The following MYO9A variants were observed in gnomAD, a reference collection of about 807,000 sequenced individuals.
MYO9A encodes myosin IXA, also known as unconventional myosin-IXa.
MYO9A carries 103 observed loss-of-function variants against 293.3 expected under a neutral mutation model. That is an observed-to-expected ratio of 0.35 (90% CI 0.30 to 0.41). The LOEUF (loss-of-function observed/expected upper bound fraction) is 0.41. Among genes scored for constraint, MYO9A ranks in the 10% least tolerant of loss-of-function variants. The pLI is 1.00. For synonymous variants in MYO9A, 1,001 were observed against 1,035.7 expected (o/e 0.97, Z 0.64); for missense variants, 2,685 against 3,033.0 (o/e 0.89, Z 2.69).
chr15:71,883,315 CA>C (rs1469465096), intron 28 of MYO9A, among the ~76,000 whole-genome samples: 2 of 152,264 alleles, frequency 1.3e-5, no homozygotes, highest in African/African-American at 2.4e-5. Context: ...ATAATGGCTA[CA>C]TTTTTTTAGT....
At chr15:72,078,844 A>G (rs2079450433) in intron 1 of MYO9A, among the ~76,000 whole-genome samples, 1 of 152,222 alleles carries the variant, frequency 6.6e-6, no homozygotes, top group African/African-American at 2.4e-5. Flanking sequence ...GAGGAATCTT[A>G]AATATACATT....
At chr15:71,937,714 A>G (rs2058676550) in intron 16 of MYO9A, among the ~76,000 whole-genome samples, 1 of 152,128 alleles carries the variant, frequency 6.6e-6, no homozygotes, top group Non-Finnish European at 1.5e-5. Context: ...TGGAAAGTAC[A>G]AAGAAAGAAG....
intron 32 of MYO9A, among the ~76,000 whole-genome samples, chr15:71,873,489 C>T (rs1567218056): frequency 6.6e-6 from 1 of 151,554 alleles, no homozygotes; most frequent in African/African-American, 2.4e-5. Flanking sequence ...TTTCCTTTAA[C>T]GTTTTTAAGG....
intron 18 of MYO9A, among the ~76,000 whole-genome samples, chr15:71,917,190 C>T (rs1427486499): frequency 6.6e-6 from 1 of 152,196 alleles, no homozygotes; most frequent in Non-Finnish European, 1.5e-5. Context: ...TCCTGACTCA[C>T]AGAGACAACA....
chr15:72,097,814 G>A (rs2080113582), intron 1 of MYO9A, among the ~76,000 whole-genome samples: 1 of 152,152 alleles, frequency 6.6e-6, no homozygotes, highest in Admixed American at 6.5e-5. Context: ...GGAGGCTGAG[G>A]CAGGAGAATC....
chr15:71,831,676 A>G (rs916451460), intron 39 of MYO9A, among the ~76,000 whole-genome samples: 8 of 152,360 alleles, frequency 5.3e-5, no homozygotes, highest in African/African-American at 1.9e-4. Context: ...AAAAAATGAA[A>G]ACATTCTTGG....
chr15:71,854,598 A>G (rs750269212), intron 34 of MYO9A, 29 bp from the exon 35 acceptor site: 1 of 1,498,036 alleles, frequency 6.7e-7, no homozygotes, highest in East Asian at 2.4e-5. Context: ...TTAGTTTCCA[A>G]ATGCATTCAA....
intron 12 of MYO9A, among the ~76,000 whole-genome samples, chr15:71,975,284 G>A (rs1412049839): frequency 6.9e-6 from 1 of 144,850 alleles, no homozygotes; most frequent in African/African-American, 2.6e-5. Context: ...CCAGGGCGTG[G>A]CCTATGACAT....
intron 31 of MYO9A, 139 bp downstream of exon 31, chr15:71,877,901 C>T (rs1054626151): frequency 7.7e-6 from 5 of 653,266 alleles, no homozygotes; most frequent in East Asian, 2.9e-5. Context: ...TCTAAAGTGG[C>T]GCTAAGTTGA....
At chr15:72,107,897 T>C in intron 1 of MYO9A, among the ~76,000 whole-genome samples, 1 of 151,642 alleles carries the variant, frequency 6.6e-6, no homozygotes, top group East Asian at 1.9e-4. Flanking sequence ...ATTACACAAA[T>C]CCTCACTCTA....
intron 39 of MYO9A, among the ~76,000 whole-genome samples, chr15:71,840,593 TAA>T (rs1353558954): frequency 1.1e-4 from 17 of 152,214 alleles, no homozygotes; most frequent in Non-Finnish European, 2.9e-5. Context: ...CAAATGTATT[TAA>T]GTCTTCTTTT....
chr15:71,990,198 C>T (rs1263760062), intron 11 of MYO9A, among the ~76,000 whole-genome samples: 1 of 151,444 alleles, frequency 6.6e-6, no homozygotes, highest in Non-Finnish European at 1.5e-5. Flanking sequence ...GATCCTCCCA[C>T]CTGAGTCTCC....
chr15:71,924,818 G>A (rs936222957), intron 18 of MYO9A, among the ~76,000 whole-genome samples: 4 of 152,018 alleles, frequency 2.6e-5, no homozygotes, highest in Non-Finnish European at 4.4e-5. Flanking sequence ...TATTTGGGAG[G>A]TTGAGGCAGG....
chr15:71,909,838 T>C (rs968562894), intron 19 of MYO9A, among the ~76,000 whole-genome samples: 5 of 152,020 alleles, frequency 3.3e-5, no homozygotes, highest in African/African-American at 1.2e-4. Flanking sequence ...GCTATTGTAG[T>C]ATAATATACA....
intron 6 of MYO9A, among the ~76,000 whole-genome samples, chr15:72,013,813 T>C (rs190123196): frequency 1.3e-3 from 205 of 152,320 alleles, no homozygotes; most frequent in African/African-American, 4.7e-3. Context: ...TGTCTCTTTT[T>C]CTTTTTTCTT....
intron 1 of MYO9A, among the ~76,000 whole-genome samples, chr15:72,072,530 T>G (rs2079226961): frequency 6.6e-6 from 1 of 152,094 alleles, no homozygotes; most frequent in Non-Finnish European, 1.5e-5. Flanking sequence ...GCAGATTGAG[T>G]AAAGAAAATG....
At chr15:71,975,482 C>A (rs2076120514) in intron 12 of MYO9A, among the ~76,000 whole-genome samples, 1 of 149,082 alleles carries the variant, frequency 6.7e-6, no homozygotes, top group African/African-American at 2.5e-5. Flanking sequence ...TTGGTGTAGT[C>A]TTTTGTTATA....
intron 26 of MYO9A, 111 bp downstream of exon 26, chr15:71,893,568 A>T: frequency 1.3e-6 from 1 of 793,580 alleles, no homozygotes; most frequent in Non-Finnish European, 2.0e-6. Context: ...CTCTAAAAAC[A>T]CTTGGGAGTA....
chr15:71,905,239 A>T (rs1402060626), intron 19 of MYO9A, among the ~76,000 whole-genome samples: 2 of 152,216 alleles, frequency 1.3e-5, no homozygotes, highest in African/African-American at 4.8e-5. Context: ...TAAATATTGC[A>T]GATGTTTTCA....
Sources: gnomAD v4.1 joint callset for allele counts (sites outside exome capture counted in the v4.1 genomes callset) on GRCh38, gnomAD v4.1.1 for gene constraint, MANE v1.5 for transcripts, NCBI Gene and HGNC (gene_info 2026-07-23, HGNC 2026-07-21) for gene names.